ZMAT4: variants seen among roughly 807,000 people sequenced by gnomAD.
ZMAT4 encodes the protein zinc finger matrin-type 4.
ZMAT4 carries 17 observed loss-of-function variants against 28.7 expected under a neutral mutation model. The observed-to-expected ratio is 0.59, with a 90% CI of 0.41 to 0.89. The LOEUF (loss-of-function observed/expected upper bound fraction) is 0.89. Ranked by LOEUF, ZMAT4 falls within the 40% of genes least tolerant of loss-of-function variation. ZMAT4 has a pLI of 0.00. For missense variants in ZMAT4, 240 were observed against 283.8 expected (o/e 0.85, Z 1.11); for synonymous variants, 117 against 109.2 (o/e 1.07, Z -0.44).
chr8:40,674,572 C>A, intron 5 of ZMAT4, 132 bp downstream of exon 5: 2 of 675,122 alleles, frequency 3.0e-6, no homozygotes, highest in South Asian at 4.1e-5. Context: ...CTTTCTTGTC[C>A]ATTTCTTTTG....
intron 2 of ZMAT4, among the ~76,000 whole-genome samples, chr8:40,788,165 A>C (rs1814162684): frequency 6.6e-6 from 1 of 152,192 alleles, no homozygotes; most frequent in African/African-American, 2.4e-5. Context: ...ATGAGAGATA[A>C]AAAAACATGA....
At chr8:40,732,816 T>C (rs1585959815) in intron 3 of ZMAT4, among the ~76,000 whole-genome samples, 1 of 138,256 alleles carries the variant, frequency 7.2e-6, no homozygotes, top group Admixed American at 7.6e-5. Flanking sequence ...CTGGCAGACC[T>C]GGGCTGAGCA....
intron 1 of ZMAT4, among the ~76,000 whole-genome samples, chr8:40,838,388 C>G (rs1053951039): frequency 1.3e-5 from 2 of 152,232 alleles, no homozygotes. Flanking sequence ...TCTTACCCAG[C>G]CTGGAGTGCA....
chr8:40,545,787 C>T (rs901136463), intron 6 of ZMAT4, among the ~76,000 whole-genome samples: 7 of 151,068 alleles, frequency 4.6e-5, no homozygotes, highest in Middle Eastern at 3.4e-3. Context: ...CTGTTGTTTA[C>T]GTCACTCATT....
At chr8:40,820,332 GTA>G (rs898415050) in intron 2 of ZMAT4, among the ~76,000 whole-genome samples, 7 of 148,714 alleles carry the variant, frequency 4.7e-5, no homozygotes, top group African/African-American at 1.5e-4. Context: ...GTGTATATGT[GTA>G]TGTGTGTGTT....
rs78915348 is a variant in ZMAT4 at position 40,786,322 on chromosome 8, G to A, written c.103-18592C>T. Among the ~76,000 whole-genome samples the A allele has an allele frequency of 1.4e-4, 22 of 152,142 alleles. No individual in the cohort carries two copies. In the East Asian group the frequency reaches 3.3e-3, roughly 23 times the overall value. On this transcript the variant is annotated intron_variant, in intron 2 of 6. Coordinates refer to ENST00000297737, the MANE Select transcript of ZMAT4 (RefSeq NM_024645.3). ...GGTTTGAGTCCTATTAATATTCGTA[G>A]GCTTTTTTTACTAGATTAAACCAAT... is the stretch of plus-strand genomic sequence containing the variant.
intron 5 of ZMAT4, among the ~76,000 whole-genome samples, chr8:40,621,153 C>G (rs1022769586): frequency 6.6e-6 from 1 of 152,114 alleles, no homozygotes; most frequent in Admixed American, 6.6e-5. Flanking sequence ...AAATCTCAGC[C>G]CTACCAGCGA....
intron 3 of ZMAT4, among the ~76,000 whole-genome samples, chr8:40,733,299 G>A (rs555355741): frequency 2.9e-4 from 44 of 152,124 alleles, no homozygotes; most frequent in African/African-American, 1.0e-3. Context: ...CATTGTCTTT[G>A]CAAAAATCAA....
At chr8:40,889,878 G>T (rs1818606059) in intron 1 of ZMAT4, among the ~76,000 whole-genome samples, 1 of 152,198 alleles carries the variant, frequency 6.6e-6, no homozygotes, top group South Asian at 2.1e-4. Context: ...AAGAGGAATT[G>T]CTGACTGGTT....
At chr8:40,694,860 C>T (rs1563416449) in intron 4 of ZMAT4, among the ~76,000 whole-genome samples, 1 of 152,138 alleles carries the variant, frequency 6.6e-6, no homozygotes, top group Non-Finnish European at 1.5e-5. Context: ...CCCTCACTCC[C>T]CTCACCTTTC....
chr8:40,849,022 G>A (rs1817006917), intron 1 of ZMAT4, among the ~76,000 whole-genome samples: 1 of 152,256 alleles, frequency 6.6e-6, no homozygotes, highest in Non-Finnish European at 1.5e-5. Flanking sequence ...GGCGAGCCAT[G>A]CGGGAGGACA....
At chr8:40,591,077 A>G (rs1585726237) in intron 5 of ZMAT4, among the ~76,000 whole-genome samples, 2 of 151,756 alleles carry the variant, frequency 1.3e-5, no homozygotes, top group Non-Finnish European at 2.9e-5. Flanking sequence ...CTAGTGGCTG[A>G]CTCTTCATGT....
chr8:40,653,917 G>T (rs1034651490), intron 5 of ZMAT4, among the ~76,000 whole-genome samples: 2 of 152,178 alleles, frequency 1.3e-5, no homozygotes, highest in African/African-American at 4.8e-5. Flanking sequence ...TCTATAAGTT[G>T]CTGTCATATA....
chr8:40,865,406 G>T (rs568672602), intron 1 of ZMAT4, among the ~76,000 whole-genome samples: 2 of 152,336 alleles, frequency 1.3e-5, no homozygotes, highest in African/African-American at 4.8e-5. Flanking sequence ...AGGCCGTGCA[G>T]ATCTGGGCCA....
chr8:40,645,339 T>G (rs1807252041), intron 5 of ZMAT4, among the ~76,000 whole-genome samples: 1 of 152,146 alleles, frequency 6.6e-6, no homozygotes, highest in South Asian at 2.1e-4. Context: ...CTAACTTTAC[T>G]AAGCAAGCAG....
rs1029663989 is a variant in ZMAT4 at position 40,875,033 on chromosome 8, T to C, written c.-5+22650A>G. On this transcript the variant is annotated intron_variant, in intron 1 of 6. Coordinates refer to ENST00000297737, the MANE Select transcript of ZMAT4 (RefSeq NM_024645.3). ...ATATGCTGGCCAGTCCTCCACGGGC[T>C]GTATTTGTTGGTACCTCACCCAGGA... is the stretch of plus-strand genomic sequence containing the variant. 2.6e-5 allele frequency among the ~76,000 whole-genome samples: 4 copies of C among 152,162 alleles called. 1 individual carries two copies. Among genetic ancestry groups the C allele is most frequent in the African/African-American group, 9.7e-5 (4 of 41,434 alleles).
chr8:40,825,327 G>A (rs1375478197), intron 2 of ZMAT4, among the ~76,000 whole-genome samples: 2 of 152,060 alleles, frequency 1.3e-5, no homozygotes, highest in East Asian at 3.9e-4. Context: ...AGTCTCCAGG[G>A]GCTGAGATAC....
chr8:40,715,177 T>G (rs1810796158), intron 3 of ZMAT4, among the ~76,000 whole-genome samples: 1 of 150,298 alleles, frequency 6.7e-6, no homozygotes, highest in African/African-American at 2.5e-5. Context: ...GAAGGAACAG[T>G]GAGTAGAGAG....
chr8:40,808,826 T>C (rs534440337), intron 2 of ZMAT4, among the ~76,000 whole-genome samples: 1 of 150,488 alleles, frequency 6.6e-6, no homozygotes, highest in East Asian at 2.0e-4. Context: ...TCTGGTAAGA[T>C]GCTTATCCTG....
Sources: gnomAD v4.1 joint callset for allele counts (sites outside exome capture counted in the v4.1 genomes callset) on GRCh38, gnomAD v4.1.1 for gene constraint, MANE v1.5 for transcripts, NCBI Gene and HGNC (gene_info 2026-07-23, HGNC 2026-07-21) for gene names.